Variants in CTSO observed in about 807,000 individuals in gnomAD.
CTSO encodes cathepsin O.
A neutral mutation model predicts 42.4 loss-of-function variants in CTSO; 40 were observed. The observed-to-expected ratio is 0.94, with a 90% CI of 0.73 to 1.23. CTSO has a LOEUF of 1.23. Among genes scored for constraint, CTSO ranks in the 50% most tolerant of loss-of-function variants. CTSO has a pLI of 0.00. For synonymous variants in CTSO, 156 were observed against 146.2 expected (o/e 1.07, Z -0.48); for missense variants, 441 against 396.0 (o/e 1.11, Z -0.96).
intron 3 of CTSO, among the ~76,000 whole-genome samples, chr4:155,941,739 C>T (rs150077012): frequency 5.1e-4 from 78 of 152,244 alleles, no homozygotes; most frequent in Admixed American, 1.9e-3. Flanking sequence ...GTATGCGTCA[C>T]GTTATGGCTG....
rs762871608 is a variant in CTSO, at chr4:155,928,421, A to G, written c.846T>C (p.Thr282=). 6.2e-7 allele frequency: 1 copy of G among 1,608,120 alleles called. No individual in the cohort carries two copies. Among genetic ancestry groups the G allele is most frequent in the South Asian group, 1.1e-5 (1 of 90,254 alleles). ...AGGAATTCCGCACAATCCAATATGG[A>G]GTGCTTCCTACAGTGAAACATAAAT... The part of the protein sequence containing the change: ...LITGFDKTGS[T]PYWIVRNSWG... Residue 282 remains threonine, a synonymous_variant, in exon 7 of 8, where the codon ACT becomes ACC. Transcript: ENST00000433477.
intron 1 of CTSO, among the ~76,000 whole-genome samples, chr4:155,950,670 C>T (rs141986915): frequency 1.4e-3 from 209 of 151,308 alleles, no homozygotes; most frequent in Non-Finnish European, 2.6e-3. Context: ...GAGCATGCAT[C>T]ACCACCTGAT....
chr4:155,943,687 C>T (rs564648226), intron 1 of CTSO, among the ~76,000 whole-genome samples: 5 of 152,110 alleles, frequency 3.3e-5, no homozygotes, highest in African/African-American at 4.8e-5. Flanking sequence ...TTGTGTTTCC[C>T]GGAACTAAGT....
chr4:155,939,670 C>T (rs1026424579), intron 3 of CTSO, 132 bp from the exon 4 acceptor site: 3 of 683,170 alleles, frequency 4.4e-6, no homozygotes, highest in Non-Finnish European at 6.8e-6. Flanking sequence ...ATACGCCTAT[C>T]CTCTAGATTT....
At chr4:155,948,618 G>C (rs1198668412) in intron 1 of CTSO, among the ~76,000 whole-genome samples, 1 of 152,166 alleles carries the variant, frequency 6.6e-6, no homozygotes, top group Non-Finnish European at 1.5e-5. Context: ...TCATAAAACA[G>C]GATAACTCTA....
chr4:155,945,067 G>C lies in CTSO; in HGVS notation c.136-1803C>G, dbSNP rs539590881. Among the ~76,000 whole-genome samples the C allele has an allele frequency of 1.5e-3, 229 of 151,006 alleles. 1 individual carries two copies. The highest frequency in any genetic ancestry group is 5.3e-3 in the African/African-American group (219 of 41,222). On this transcript the variant is annotated intron_variant, in intron 1 of 7. Coordinates refer to ENST00000433477, the MANE Select transcript of CTSO (RefSeq NM_001334.3). ...AGGTCAGGAGTTCGAGACCAGCCTC[G>C]CCAACATGGTGAAAGCCTGTCTCTA...
chr4:155,948,373 TTG>T (rs55984712), intron 1 of CTSO, among the ~76,000 whole-genome samples: 12 of 150,968 alleles, frequency 7.9e-5, no homozygotes, highest in African/African-American at 2.7e-4. Context: ...AAAGCTGCCT[TTG>T]TGTGTGTGTG....
chr4:155,937,303 G>A lies in CTSO; in HGVS notation c.674+59C>T. 2.1e-6 allele frequency: 3 copies of A among 1,404,582 alleles called. No homozygotes were observed. In the South Asian group the frequency reaches 3.7e-5, roughly 17 times the overall value. 87.0% of individuals were successfully genotyped at this position (1,404,582 alleles called of 1,614,324 possible). ...ATGCCTTCAAACAAATTATTAACCA[G>A]TCAATAGATCATAAATTAAAAATGT... On this transcript the variant is annotated intron_variant, in intron 5 of 7. Transcript: ENST00000433477.
At chr4:155,953,623 T>C in intron 1 of CTSO, 90 bp downstream of exon 1, 1 of 1,220,420 alleles carries the variant, frequency 8.2e-7, no homozygotes, top group Non-Finnish European at 1.0e-6. Context: ...ACGAGCAGGG[T>C]CAGCTCTCGG....
chr4:155,950,274 T>C (rs1743646568), intron 1 of CTSO, among the ~76,000 whole-genome samples: 1 of 152,210 alleles, frequency 6.6e-6, no homozygotes, highest in Non-Finnish European at 1.5e-5. Flanking sequence ...ATTTACAGGA[T>C]ACAATGCTTA....
At chr4:155,935,586 A>G (rs571176684) in intron 5 of CTSO, among the ~76,000 whole-genome samples, 35 of 149,962 alleles carry the variant, frequency 2.3e-4, no homozygotes, top group African/African-American at 7.6e-4. Context: ...CAAATTGTAC[A>G]CTCCCCCTAC....
chr4:155,953,801 A>AGCAGCCACAGCAGCCACG lies in CTSO; in HGVS notation c.29_46dup (p.Pro10_Leu15dup). 1 of 1,346,044 alleles carries AGCAGCCACAGCAGCCACG rather than the reference A, an allele frequency of 7.4e-7. No homozygotes were observed. Among genetic ancestry groups the AGCAGCCACAGCAGCCACG allele is most frequent in the Non-Finnish European group, 9.6e-7 (1 of 1,045,520 alleles). The allele number at this position is 1,346,044 out of a possible 1,614,324, so 83.4% of individuals were successfully genotyped here. A position where few individuals can be genotyped will look rare whatever the true frequency, so the allele number is the denominator to read the frequency against. Reference sequence around the variant, plus strand: ...GTCCGCATCGCCGCCGCCCCGGCACAGCAGCCACAGCAGCCACGGCAGCCA... The same window carrying AGCAGCCACAGCAGCCACG: ...GTCCGCATCGCCGCCGCCCCGGCACAGCAGCCACAGCAGCCACGGCAGCCACAGCAGCCACGGCAGCCA... On this transcript the variant is annotated inframe_insertion, in exon 1 of 8. Coordinates refer to ENST00000433477, the MANE Select transcript of CTSO (RefSeq NM_001334.3).
Position 155,924,981 on chromosome 4 carries a change from T to C in CTSO, c.*1055A>G, listed in dbSNP as rs939004906. The C allele has an allele frequency of 3.3e-5, 5 of 152,092 alleles. No individual in the cohort carries two copies. Among genetic ancestry groups the C allele is most frequent in the African/African-American group, 1.2e-4 (5 of 41,258 alleles). The allele number at this position is 152,092 out of a possible 1,614,324, so 9.4% of individuals were successfully genotyped here. A position where few individuals can be genotyped will look rare whatever the true frequency, so the allele number is the denominator to read the frequency against. ...GAGGGGAAAACTGGGAAACAGATTC[T>C]GGAAAACTCACAGTTTGTTTGATAC... On this transcript the variant is annotated 3_prime_UTR_variant, in exon 8 of 8. Transcript: ENST00000433477.
intron 6 of CTSO, among the ~76,000 whole-genome samples, chr4:155,928,951 T>C (rs1743182066): frequency 6.6e-6 from 1 of 152,172 alleles, no homozygotes; most frequent in Non-Finnish European, 1.5e-5. Flanking sequence ...TCTGCAGCAC[T>C]GTGACATGTT....
chr4:155,932,312 A>G (rs1560785334), intron 5 of CTSO, among the ~76,000 whole-genome samples: 1 of 152,314 alleles, frequency 6.6e-6, no homozygotes, highest in East Asian at 1.9e-4. Context: ...TAAAAGCACA[A>G]GCTTTGGAGT....
intron 5 of CTSO, among the ~76,000 whole-genome samples, chr4:155,933,843 T>G (rs1266279782): frequency 6.6e-6 from 1 of 152,174 alleles, no homozygotes; most frequent in Non-Finnish European, 1.5e-5. Context: ...AAAAGGTGAC[T>G]TGGGTGCTGT....
At chr4:155,938,858 G>C (rs1743377178) in intron 4 of CTSO, among the ~76,000 whole-genome samples, 1 of 152,154 alleles carries the variant, frequency 6.6e-6, no homozygotes, top group South Asian at 2.1e-4. Flanking sequence ...TCCGGAGGCT[G>C]AAGCAGCAGA....
At chr4:155,930,807 T>C (rs1423585590) in intron 5 of CTSO, among the ~76,000 whole-genome samples, 1 of 152,214 alleles carries the variant, frequency 6.6e-6, no homozygotes, top group Non-Finnish European at 1.5e-5. Flanking sequence ...TATACATTTA[T>C]TCATGTTAAC....
At position 155,929,692 on chromosome 4, in the gene CTSO, C is replaced by T; in HGVS notation, c.688G>A (p.Glu230Lys). 6.2e-7 allele frequency: 1 copy of T among 1,609,714 alleles called. No individual in the cohort carries two copies. The highest frequency in any genetic ancestry group is 8.5e-7 in the Non-Finnish European group (1 of 1,178,980). ...AAGGTAAGAAGTGCTTTTGCCATTT[C>T]ATCTTCTTGGTCACTACCAAAAGAG... is the stretch of plus-strand genomic sequence containing the variant. ...SAYDFSDQEDEMAKALLTFGP... is the reference protein window; with the variant it reads ...SAYDFSDQEDKMAKALLTFGP... The change falls in exon 6 of 8, where the codon GAA (glutamate) becomes AAA (lysine). Residue 230 changes from glutamate (E) to lysine (K), a missense_variant. Physicochemically the swap from Glu to Lys is moderately conservative, Grantham distance 56 (BLOSUM62 1). Transcript: ENST00000433477.
Sources: allele counts gnomAD v4.1 joint callset (sites outside exome capture counted in the v4.1 genomes callset), GRCh38; gene constraint gnomAD v4.1.1; transcripts MANE v1.5; gene names NCBI Gene and HGNC (gene_info 2026-07-23, HGNC 2026-07-21).